Variants in MECOM observed in about 807,000 individuals in gnomAD.
MECOM encodes histone-lysine N-methyltransferase MECOM.
Under a neutral mutation model 116.3 loss-of-function variants are expected in MECOM, and 13 were observed. The ratio of observed to expected loss-of-function variants is 0.11; its 90% CI spans 0.07 to 0.18. MECOM has a LOEUF of 0.18. Among genes scored for constraint, MECOM ranks in the 10% least tolerant of loss-of-function variants. The pLI is 1.00. For missense variants in MECOM, 1,299 were observed against 1,509.0 expected (o/e 0.86, Z 2.31); for synonymous variants, 528 against 535.2 (o/e 0.99, Z 0.19).
At chr3:169,152,526 A>C (rs1039109089) in intron 2 of MECOM, among the ~76,000 whole-genome samples, 1 of 152,158 alleles carries the variant, frequency 6.6e-6, no homozygotes, top group Non-Finnish European at 1.5e-5. Flanking sequence ...TTACTCTCCT[A>C]TTCGGCTCTC....
intron 2 of MECOM, among the ~76,000 whole-genome samples, chr3:169,372,033 G>A (rs1215415986): frequency 6.6e-6 from 1 of 152,042 alleles, no homozygotes; most frequent in African/African-American, 2.4e-5. Context: ...TATTGCCCAA[G>A]CATTGATTCA....
chr3:169,645,320 T>A (rs1774033312), intron 1 of MECOM, among the ~76,000 whole-genome samples: 1 of 152,130 alleles, frequency 6.6e-6, no homozygotes, highest in Non-Finnish European at 1.5e-5. Flanking sequence ...CTGGTTTCCC[T>A]GCACACCTTC....
At chr3:169,400,606 C>T (rs374687836) in intron 1 of MECOM, among the ~76,000 whole-genome samples, 6 of 152,228 alleles carry the variant, frequency 3.9e-5, no homozygotes, top group South Asian at 2.1e-4. Context: ...AGGTGAAATT[C>T]GAGAGTGACT....
intron 1 of MECOM, among the ~76,000 whole-genome samples, chr3:169,435,326 C>T (rs1230063311): frequency 6.6e-6 from 1 of 152,168 alleles, no homozygotes; most frequent in Admixed American, 6.5e-5. Context: ...ATGATTTTCA[C>T]CTCTGCCACA....
At chr3:169,483,601 G>A in intron 1 of MECOM, 2 of 1,095,682 alleles carry the variant, frequency 1.8e-6, no homozygotes, top group Non-Finnish European at 2.6e-6. Flanking sequence ...AGAGATACAA[G>A]GATAAACCAC....
At chr3:169,282,868 T>C (rs9860984) in intron 2 of MECOM, among the ~76,000 whole-genome samples, 23,119 of 151,786 alleles carry the variant, frequency 0.15, 3,770 homozygotes, top group African/African-American at 0.4. Context: ...TATGAGTGTA[T>C]AACAGTAGAA....
intron 11 of MECOM, among the ~76,000 whole-genome samples, chr3:169,101,375 A>G (rs755964478): frequency 2.0e-5 from 3 of 152,212 alleles, no homozygotes; most frequent in Non-Finnish European, 4.4e-5. Flanking sequence ...AGCCACAGTG[A>G]TAACTCCCTA....
At chr3:169,141,812 C>T (rs2149274936) in intron 3 of MECOM, among the ~76,000 whole-genome samples, 1 of 152,024 alleles carries the variant, frequency 6.6e-6, no homozygotes, top group South Asian at 2.1e-4. Flanking sequence ...TTCACAATTA[C>T]ATTATTTGAT....
At chr3:169,190,455 A>G (rs765040092) in intron 2 of MECOM, among the ~76,000 whole-genome samples, 3 of 152,064 alleles carry the variant, frequency 2.0e-5, no homozygotes, top group Admixed American at 2.0e-4. Flanking sequence ...CTCTTGATGG[A>G]CAACTTAATA....
At chr3:169,570,172 A>C (rs1292232417) in intron 1 of MECOM, among the ~76,000 whole-genome samples, 1 of 152,234 alleles carries the variant, frequency 6.6e-6, no homozygotes, top group East Asian at 1.9e-4. Flanking sequence ...CACTGATCCC[A>C]CAGAAATACA....
At chr3:169,259,734 A>G (rs1757312541) in intron 2 of MECOM, among the ~76,000 whole-genome samples, 1 of 152,232 alleles carries the variant, frequency 6.6e-6, no homozygotes, top group South Asian at 2.1e-4. Context: ...TCTCAAAAAA[A>G]CATATTTTCT....
intron 1 of MECOM, among the ~76,000 whole-genome samples, chr3:169,463,765 G>A (rs1046971144): frequency 5.3e-5 from 8 of 152,010 alleles, no homozygotes; most frequent in Non-Finnish European, 1.2e-4. Flanking sequence ...GGGAGTAATT[G>A]GGAGAGTGCA....
At chr3:169,113,759 T>C (rs1728215556) in intron 8 of MECOM, among the ~76,000 whole-genome samples, 2 of 152,136 alleles carry the variant, frequency 1.3e-5, no homozygotes, top group African/African-American at 4.8e-5. Flanking sequence ...ACCTACCACT[T>C]ATTGATATTA....
chr3:169,122,505 A>G, intron 6 of MECOM, 75 bp downstream of exon 6: 2 of 1,535,664 alleles, frequency 1.3e-6, no homozygotes, highest in Non-Finnish European at 1.8e-6. Context: ...TTGTTTTTAT[A>G]TATCGTAGCA....
rs114551968 is a variant in MECOM, at chr3:169,424,228, C to G, written c.38-42704G>C. On this transcript the variant is annotated intron_variant, in intron 1 of 16. Coordinates refer to ENST00000651503, the MANE Select transcript of MECOM (RefSeq NM_004991.4). The stretch of plus-strand genomic sequence containing the variant: ...CTTAGTCTGACCTTGAAAACTAAGA[C>G]AAGCATCATCAAGACTGCTGAGGTT... Among the ~76,000 whole-genome samples, 84 of 152,220 alleles carry G rather than the reference C, an allele frequency of 5.5e-4. 1 individual carries two copies. Among genetic ancestry groups the G allele is most frequent in the South Asian group, 8.3e-4 (4 of 4,822 alleles).
intron 1 of MECOM, among the ~76,000 whole-genome samples, chr3:169,600,986 G>A (rs1329054113): frequency 6.6e-6 from 1 of 152,186 alleles, no homozygotes; most frequent in Non-Finnish European, 1.5e-5. Flanking sequence ...CTAGGAATAT[G>A]CAATCAAACT....
intron 8 of MECOM, among the ~76,000 whole-genome samples, chr3:169,113,682 A>G (rs1173777879): frequency 2.0e-5 from 3 of 152,068 alleles, no homozygotes; most frequent in Non-Finnish European, 4.4e-5. Flanking sequence ...CATTGAATTA[A>G]TTTCTTTTAC....
intron 1 of MECOM, among the ~76,000 whole-genome samples, chr3:169,629,337 T>C (rs1228502263): frequency 6.6e-6 from 1 of 152,140 alleles, no homozygotes; most frequent in Non-Finnish European, 1.5e-5. Flanking sequence ...TGAAGTTTTA[T>C]GATGGACTTT....
chr3:169,266,824 T>A (rs1758366740), intron 2 of MECOM, among the ~76,000 whole-genome samples: 1 of 152,182 alleles, frequency 6.6e-6, no homozygotes, highest in Admixed American at 6.5e-5. Context: ...CTTTTCTTTT[T>A]TTTTAAACCT....
Sources: allele counts gnomAD v4.1 joint callset (sites outside exome capture counted in the v4.1 genomes callset), GRCh38; gene constraint gnomAD v4.1.1; transcripts MANE v1.5; gene names NCBI Gene and HGNC (gene_info 2026-07-23, HGNC 2026-07-21).